Variants in MBNL1 observed in about 807,000 individuals in gnomAD.
The protein encoded by MBNL1 is muscleblind-like protein 1.
In MBNL1, 8 loss-of-function variants were observed where a neutral mutation model predicts 42.2. The observed-to-expected ratio is 0.19, with a 90% CI of 0.11 to 0.34. MBNL1 has a LOEUF of 0.34. MBNL1 is among the 10% of genes least tolerant of loss of function. The pLI is 1.00. For synonymous variants in MBNL1, 169 were observed against 173.9 expected, an observed-to-expected ratio of 0.97 and a Z score of 0.22; for missense variants, 309 against 495.3, an observed-to-expected ratio of 0.62 and a Z score of 3.57.
chr3:152,269,207 G>A (rs2038509128), intron 1 of MBNL1, 115 bp downstream of exon 1: 1 of 380,194 alleles, frequency 2.6e-6, no homozygotes, highest in Admixed American at 3.0e-5. Context: ...CGGTTCTCCC[G>A]GGCAGGGGCG....
At chr3:152,429,358 G>A (rs2098976508) in intron 3 of MBNL1, among the ~76,000 whole-genome samples, 1 of 152,184 alleles carries the variant, frequency 6.6e-6, no homozygotes, top group South Asian at 2.1e-4. Flanking sequence ...ACCAGAATTA[G>A]TAAGTTTGTA....
At chr3:152,276,649 A>G (rs992608217) in intron 1 of MBNL1, among the ~76,000 whole-genome samples, 4 of 152,112 alleles carry the variant, frequency 2.6e-5, no homozygotes, top group Admixed American at 1.3e-4. Context: ...GAGGGGTGGG[A>G]AGCATTAATA....
intron 3 of MBNL1, among the ~76,000 whole-genome samples, chr3:152,431,260 C>G (rs2099003548): frequency 6.6e-6 from 1 of 152,162 alleles, no homozygotes; most frequent in Admixed American, 6.5e-5. Flanking sequence ...CCAGCTGTGA[C>G]AACCAAAAAT....
intron 2 of MBNL1, among the ~76,000 whole-genome samples, chr3:152,336,064 C>A (rs1322029605): frequency 6.6e-6 from 1 of 152,138 alleles, no homozygotes; most frequent in Admixed American, 6.6e-5. Context: ...TGAGCACATT[C>A]ATCAAAAATT....
intron 2 of MBNL1, among the ~76,000 whole-genome samples, chr3:152,330,869 A>G (rs527972871): frequency 1.3e-5 from 2 of 152,256 alleles, no homozygotes; most frequent in Admixed American, 6.5e-5. Flanking sequence ...GTTACTGTCC[A>G]TGGTTTCAGG....
chr3:152,341,195 A>G (rs183904473), intron 2 of MBNL1, among the ~76,000 whole-genome samples: 92 of 152,332 alleles, frequency 6.0e-4, no homozygotes, highest in Non-Finnish European at 1.2e-3. Context: ...TAACACTTAT[A>G]GTGAGTTTAT....
intron 2 of MBNL1, among the ~76,000 whole-genome samples, chr3:152,253,173 T>A (rs548534124): frequency 6.6e-6 from 1 of 152,258 alleles, no homozygotes; most frequent in South Asian, 2.1e-4. Context: ...AAATTCAACA[T>A]GTCCCACATA....
chr3:152,334,826 A>G (rs1410794155), intron 2 of MBNL1, among the ~76,000 whole-genome samples: 2 of 152,188 alleles, frequency 1.3e-5, no homozygotes, highest in Admixed American at 6.5e-5. Flanking sequence ...ATGTTTTTCC[A>G]TAGAATTAGA....
intron 6 of MBNL1, among the ~76,000 whole-genome samples, chr3:152,450,221 C>T (rs934890020): frequency 2.0e-5 from 3 of 150,852 alleles, no homozygotes; most frequent in African/African-American, 7.3e-5. Flanking sequence ...CATAAAATAA[C>T]ATTTATTTGC....
At chr3:152,398,755 C>T (rs2098092975) in intron 2 of MBNL1, among the ~76,000 whole-genome samples, 1 of 152,138 alleles carries the variant, frequency 6.6e-6, no homozygotes, top group Non-Finnish European at 1.5e-5. Flanking sequence ...CTCTTTCTGG[C>T]TTACAAAAGG....
chr3:152,325,400 T>A (rs1172505593), intron 2 of MBNL1, among the ~76,000 whole-genome samples: 1 of 152,044 alleles, frequency 6.6e-6, no homozygotes, highest in Non-Finnish European at 1.5e-5. Flanking sequence ...TGACACGTAG[T>A]AGACTGACTA....
intron 2 of MBNL1, among the ~76,000 whole-genome samples, chr3:152,305,220 G>A (rs1395523089): frequency 6.6e-6 from 1 of 152,166 alleles, no homozygotes; most frequent in Non-Finnish European, 1.5e-5. Context: ...GCAGTGTGGG[G>A]TGAATTGTCT....
intron 2 of MBNL1, among the ~76,000 whole-genome samples, chr3:152,362,816 G>A (rs1310710004): frequency 2.0e-5 from 3 of 151,920 alleles, no homozygotes; most frequent in African/African-American, 4.8e-5. Context: ...CCTTTCCATG[G>A]GCTAATTGTA....
At chr3:152,407,030 C>T (rs2098445569) in intron 2 of MBNL1, among the ~76,000 whole-genome samples, 1 of 143,540 alleles carries the variant, frequency 7.0e-6, no homozygotes, top group Non-Finnish European at 1.6e-5. Context: ...TTGGCAGTCT[C>T]AATAATTGTT....
intron 3 of MBNL1, among the ~76,000 whole-genome samples, chr3:152,423,126 A>G (rs1450419988): frequency 6.6e-6 from 1 of 152,186 alleles, no homozygotes; most frequent in African/African-American, 2.4e-5. Flanking sequence ...GATACAAAAA[A>G]CCCTTCAAAA....
intron 2 of MBNL1, among the ~76,000 whole-genome samples, chr3:152,347,225 A>G (rs1051010747): frequency 6.6e-6 from 1 of 152,112 alleles, no homozygotes; most frequent in Non-Finnish European, 1.5e-5. Context: ...TCCCTTTAAA[A>G]AGGAAATTTC....
chr3:152,353,049 C>T (rs1306720122), intron 2 of MBNL1, among the ~76,000 whole-genome samples: 1 of 152,142 alleles, frequency 6.6e-6, no homozygotes, highest in Non-Finnish European at 1.5e-5. Flanking sequence ...TAAATCCAGA[C>T]AGATTTAAAC....
chr3:152,297,648 C>G (rs2059191878), intron 1 of MBNL1, among the ~76,000 whole-genome samples: 1 of 151,342 alleles, frequency 6.6e-6, no homozygotes, highest in Non-Finnish European at 1.5e-5. Flanking sequence ...GCCACTGTGC[C>G]CAGCCATGGG....
chr3:152,272,224 A>G (rs1215448742), intron 1 of MBNL1, among the ~76,000 whole-genome samples: 1 of 152,174 alleles, frequency 6.6e-6, no homozygotes, highest in Non-Finnish European at 1.5e-5. Flanking sequence ...TATTATACAT[A>G]GAAATACCTC....
Sources: allele counts gnomAD v4.1 joint callset (sites outside exome capture counted in the v4.1 genomes callset), GRCh38; gene constraint gnomAD v4.1.1; transcripts MANE v1.5; gene names NCBI Gene and HGNC (gene_info 2026-07-23, HGNC 2026-07-21).